The following HS3ST4 variants were observed in gnomAD, a reference collection of about 807,000 sequenced individuals.
HS3ST4 encodes heparan sulfate glucosamine 3-O-sulfotransferase 4.
A neutral mutation model predicts 29.2 loss-of-function variants in HS3ST4; 17 were observed. The ratio of observed to expected loss-of-function variants is 0.58; its 90% confidence interval spans 0.40 to 0.87. HS3ST4 has a LOEUF of 0.87. Ranked by LOEUF, HS3ST4 falls within the 40% of genes least tolerant of loss-of-function variation. HS3ST4 has a pLI of 0.00. For synonymous variants in HS3ST4, 314 were observed against 285.7 expected, an observed-to-expected ratio of 1.10 and a Z score of -1.00; for missense variants, 627 against 634.5, an observed-to-expected ratio of 0.99 and a Z score of 0.13.
chr16:26,016,236 A>G (rs1371784528), intron 1 of HS3ST4, among the ~76,000 whole-genome samples: 1 of 152,202 alleles, frequency 6.6e-6, no homozygotes, highest in Admixed American at 6.5e-5. Flanking sequence ...GTATCCAATA[A>G]TCTGCTTATA....
At chr16:25,790,931 G>A (rs1389434231) in intron 1 of HS3ST4, among the ~76,000 whole-genome samples, 1 of 151,938 alleles carries the variant, frequency 6.6e-6, no homozygotes, top group African/African-American at 2.4e-5. Flanking sequence ...TTTCTTTATA[G>A]TAAGAGATTT....
intron 1 of HS3ST4, among the ~76,000 whole-genome samples, chr16:25,784,641 C>T (rs371897341): frequency 1.3e-5 from 2 of 152,128 alleles, no homozygotes; most frequent in South Asian, 2.1e-4. Context: ...GAAGGCTAAA[C>T]GAGGTGAGAA....
At chr16:25,752,705 C>G (rs763954010) in intron 1 of HS3ST4, among the ~76,000 whole-genome samples, 11 of 152,098 alleles carry the variant, frequency 7.2e-5, no homozygotes, top group Non-Finnish European at 1.5e-5. Context: ...ATTTGTCTTC[C>G]AAAAATACAC....
chr16:25,957,226 C>T (rs1227414655), intron 1 of HS3ST4, among the ~76,000 whole-genome samples: 1 of 152,082 alleles, frequency 6.6e-6, no homozygotes, highest in African/African-American at 2.4e-5. Context: ...TAGAAAAAAC[C>T]TCCCCCATGT....
intron 1 of HS3ST4, among the ~76,000 whole-genome samples, chr16:25,960,647 T>A (rs900885337): frequency 4.6e-5 from 7 of 152,192 alleles, no homozygotes; most frequent in Admixed American, 1.3e-4. Flanking sequence ...GCTACAGACT[T>A]GCTCTATGAT....
chr16:25,836,773 A>C (rs988852013), intron 1 of HS3ST4, among the ~76,000 whole-genome samples: 1 of 152,212 alleles, frequency 6.6e-6, no homozygotes, highest in Non-Finnish European at 1.5e-5. Context: ...CCAGAATATA[A>C]CCTTGCATAA....
chr16:25,784,853 C>A (rs1966855961), intron 1 of HS3ST4, among the ~76,000 whole-genome samples: 1 of 152,182 alleles, frequency 6.6e-6, no homozygotes. Context: ...ATGAAATAGT[C>A]ATTCTATTGG....
chr16:26,090,785 A>C (rs1040614219), intron 1 of HS3ST4, among the ~76,000 whole-genome samples: 2 of 152,216 alleles, frequency 1.3e-5, no homozygotes, highest in Admixed American at 1.3e-4. Context: ...AGATGGCACG[A>C]TGCCAGAGAG....
intron 1 of HS3ST4, among the ~76,000 whole-genome samples, chr16:26,028,238 A>C (rs1187288641): frequency 1.4e-5 from 2 of 142,270 alleles, no homozygotes; most frequent in Admixed American, 1.5e-4. Context: ...GCTCAGGTGC[A>C]CTCTAGCCTG....
At chr16:25,761,959 C>G (rs760372525) in intron 1 of HS3ST4, among the ~76,000 whole-genome samples, 71 of 152,100 alleles carry the variant, frequency 4.7e-4, no homozygotes, top group Non-Finnish European at 9.3e-4. Context: ...GTATGTGTTC[C>G]CCCGAAATTC....
chr16:26,052,617 T>C (rs1426636893), intron 1 of HS3ST4, among the ~76,000 whole-genome samples: 4 of 152,206 alleles, frequency 2.6e-5, no homozygotes, highest in African/African-American at 9.6e-5. Context: ...GTGATCCGCC[T>C]GCCTCAGCCT....
At chr16:25,865,915 AT>A (rs200432750) in intron 1 of HS3ST4, among the ~76,000 whole-genome samples, 1 of 152,188 alleles carries the variant, frequency 6.6e-6, no homozygotes, top group African/African-American at 2.4e-5. Flanking sequence ...CTATGGGCAA[AT>A]TTTTTTAAAA....
intron 1 of HS3ST4, among the ~76,000 whole-genome samples, chr16:26,026,939 C>T (rs112335582): frequency 3.1e-3 from 470 of 152,184 alleles, no homozygotes; most frequent in African/African-American, 0.011. Context: ...CACATGAATC[C>T]GTAGGCTAAG....
chr16:26,108,010 T>C (rs1034625109), intron 1 of HS3ST4, among the ~76,000 whole-genome samples: 1 of 151,816 alleles, frequency 6.6e-6, no homozygotes, highest in Admixed American at 6.6e-5. Context: ...AAAATAGAGG[T>C]TTTCTATTTT....
At chr16:26,094,849 T>C (rs775239782) in intron 1 of HS3ST4, among the ~76,000 whole-genome samples, 2 of 152,178 alleles carry the variant, frequency 1.3e-5, no homozygotes, top group Non-Finnish European at 2.9e-5. Context: ...GACCCATCAG[T>C]GTGCTGTATT....
intron 1 of HS3ST4, among the ~76,000 whole-genome samples, chr16:25,906,267 A>G (rs991589961): frequency 6.6e-6 from 1 of 152,174 alleles, no homozygotes; most frequent in Non-Finnish European, 1.5e-5. Context: ...ACAGAGATGA[A>G]GTAATTTTGA....
chr16:25,841,923 C>G (rs1162642225), intron 1 of HS3ST4, among the ~76,000 whole-genome samples: 1 of 152,204 alleles, frequency 6.6e-6, no homozygotes, highest in Admixed American at 6.5e-5. Context: ...GGCTTATAAT[C>G]AGTACAAATT....
intron 1 of HS3ST4, among the ~76,000 whole-genome samples, chr16:25,959,463 G>C (rs1407464865): frequency 1.3e-5 from 2 of 152,164 alleles, no homozygotes; most frequent in Non-Finnish European, 2.9e-5. Flanking sequence ...TGCAATTCTT[G>C]TGAACCCCAT....
Position 25,895,859 on chromosome 16 carries a change from C to T in HS3ST4, c.734+202708C>T, listed in dbSNP as rs977293638. 3.3e-5 allele frequency among the ~76,000 whole-genome samples: 5 copies of T among 152,278 alleles called. No homozygotes were observed. The South Asian group carries it at 1.0e-3, about 32-fold the overall frequency. Reference sequence around the variant, plus strand: ...CCCAAAGCCTCATCTTCTGACAACACTATATTGGGAATTAGGCTTCAATAT... The same window carrying T: ...CCCAAAGCCTCATCTTCTGACAACATTATATTGGGAATTAGGCTTCAATAT... On this transcript the variant is annotated intron_variant, in intron 1 of 1. Transcript: ENST00000331351.
Sources: allele counts gnomAD v4.1 joint callset (sites outside exome capture counted in the v4.1 genomes callset), GRCh38; gene constraint gnomAD v4.1.1; transcripts MANE v1.5; gene names NCBI Gene and HGNC (gene_info 2026-07-23, HGNC 2026-07-21).